RGS7: variants seen among roughly 807,000 people sequenced by gnomAD.
RGS7 encodes the protein regulator of G protein signaling 7, also known as regulator of G-protein signaling 7.
In RGS7, 27 loss-of-function variants were observed where a neutral mutation model predicts 81.1. That is an observed-to-expected ratio of 0.33 (90% CI 0.25 to 0.46). RGS7 has a LOEUF of 0.46. Ranked by LOEUF, RGS7 falls within the 20% of genes least tolerant of loss-of-function variation. The pLI is 1.00. For missense variants in RGS7, 396 were observed against 607.4 expected (o/e 0.65, Z 3.66); for synonymous variants, 208 against 207.7 (o/e 1.00, Z -0.01).
intron 2 of RGS7, among the ~76,000 whole-genome samples, chr1:241,249,695 T>C (rs2076735651): frequency 1.3e-5 from 2 of 152,170 alleles, no homozygotes; most frequent in South Asian, 4.1e-4. Context: ...CTTCTGAACA[T>C]ATGCATTCAT....
At chr1:241,316,525 T>C (rs2080888265) in intron 2 of RGS7, among the ~76,000 whole-genome samples, 1 of 152,198 alleles carries the variant, frequency 6.6e-6, no homozygotes. Context: ...GGAGCTGTAT[T>C]CAGGAGACTG....
intron 2 of RGS7, among the ~76,000 whole-genome samples, chr1:241,261,487 G>C (rs761585564): frequency 3.9e-4 from 59 of 151,960 alleles, no homozygotes; most frequent in Non-Finnish European, 6.9e-4. Flanking sequence ...AAATTAGCCC[G>C]GTGTGGTGGC....
intron 9 of RGS7, among the ~76,000 whole-genome samples, chr1:240,828,006 A>C (rs956007213): frequency 2.6e-5 from 4 of 152,204 alleles, no homozygotes; most frequent in African/African-American, 4.8e-5. Context: ...AAACCCAGCA[A>C]CTAGGAATCC....
intron 2 of RGS7, among the ~76,000 whole-genome samples, chr1:241,335,629 A>G (rs1308375819): frequency 1.3e-5 from 2 of 152,162 alleles, no homozygotes; most frequent in African/African-American, 4.8e-5. Flanking sequence ...GTTAGGTCCT[A>G]TTGGAACACA....
intron 6 of RGS7, among the ~76,000 whole-genome samples, chr1:240,879,494 GA>G (rs1666031000): frequency 6.6e-6 from 1 of 152,046 alleles, no homozygotes; most frequent in Admixed American, 6.6e-5. Context: ...ATTCATTTTT[GA>G]AAGCTGTTTG....
intron 10 of RGS7, among the ~76,000 whole-genome samples, chr1:240,816,773 G>A (rs1264609300): frequency 6.6e-6 from 1 of 152,082 alleles, no homozygotes; most frequent in Non-Finnish European, 1.5e-5. Flanking sequence ...GGTGGATGAA[G>A]AATAGAATAG....
rs1185899798 is a variant in RGS7, at chr1:241,171,337, AG to A, written c.79-72576del. 7.9e-5 allele frequency among the ~76,000 whole-genome samples: 12 copies of A among 152,342 alleles called. No homozygotes were observed. The East Asian group carries it at 2.3e-3, about 29-fold the overall frequency. On this transcript the variant is annotated intron_variant, in intron 2 of 18. Transcript: ENST00000440928. The stretch of plus-strand genomic sequence containing the variant: ...CTCTAAAGTTTTTTCCTAATTTCTC[AG>A]CATAATTCCATAAGGCAGACATTGT...
intron 2 of RGS7, among the ~76,000 whole-genome samples, chr1:241,214,396 C>T (rs2074428848): frequency 6.6e-6 from 1 of 151,986 alleles, no homozygotes; most frequent in East Asian, 1.9e-4. Flanking sequence ...TTAAACAATT[C>T]TTGTCATTTT....
intron 2 of RGS7, among the ~76,000 whole-genome samples, chr1:241,192,327 T>A (rs2072751753): frequency 6.6e-6 from 1 of 151,908 alleles, no homozygotes; most frequent in African/African-American, 2.4e-5. Context: ...TTTTATTTTC[T>A]GTCTGCACCT....
At chr1:241,120,448 A>C (rs1572772661) in intron 2 of RGS7, among the ~76,000 whole-genome samples, 1 of 152,130 alleles carries the variant, frequency 6.6e-6, no homozygotes. Flanking sequence ...CCAGGGTTCA[A>C]GCAATCTTCA....
intron 3 of RGS7, among the ~76,000 whole-genome samples, chr1:241,037,779 C>T (rs559734352): frequency 1.3e-5 from 2 of 150,840 alleles, no homozygotes; most frequent in Admixed American, 6.6e-5. Flanking sequence ...TGGAACACTA[C>T]TCAGCCATAA....
chr1:241,144,962 TGTTC>T lies in RGS7; in HGVS notation c.79-46204_79-46201del, dbSNP rs1191454467. Among the ~76,000 whole-genome samples, 779 of 146,176 alleles carry T rather than the reference TGTTC, an allele frequency of 5.3e-3. 10 individuals carry two copies. Among genetic ancestry groups the T allele is most frequent in the African/African-American group, 0.019 (749 of 38,450 alleles). ...GTGTGTGTGTGTGTGTGTGTGTGTGTGTTCGTGTTCATTCTTCCTGTTCCTGTTT... is the reference window on the plus strand; with the variant it reads ...GTGTGTGTGTGTGTGTGTGTGTGTGTGTGTTCATTCTTCCTGTTCCTGTTT... On this transcript the variant is annotated intron_variant, in intron 2 of 18. Transcript: ENST00000440928. The surrounding 1 kb of genome is among the most constrained non-coding windows in gnomAD (Gnocchi z 4.7).
intron 11 of RGS7, among the ~76,000 whole-genome samples, chr1:240,814,994 T>C (rs1194416967): frequency 6.6e-6 from 1 of 152,210 alleles, no homozygotes; most frequent in Non-Finnish European, 1.5e-5. Flanking sequence ...AGAAGAGCAA[T>C]GAGTTTGACC....
At chr1:240,968,390 T>C (rs1226325986) in intron 4 of RGS7, among the ~76,000 whole-genome samples, 1 of 152,204 alleles carries the variant, frequency 6.6e-6, no homozygotes, top group Non-Finnish European at 1.5e-5. Flanking sequence ...AATCTGAGCA[T>C]GTGCCTCCTG....
At position 241,129,930 on chromosome 1, in the gene RGS7, A is replaced by G. The variant is rs552375018; in HGVS notation, c.79-31168T>C. ...AATATTATTTTAAAATTGCTTTTCAAGAATTCCTATTACTTCAAATTAAAG... is the reference window on the plus strand; with the variant it reads ...AATATTATTTTAAAATTGCTTTTCAGGAATTCCTATTACTTCAAATTAAAG... On this transcript the variant is annotated intron_variant, in intron 2 of 18. Transcript: ENST00000440928. Among the ~76,000 whole-genome samples, 29 of 152,346 alleles carry G rather than the reference A, an allele frequency of 1.9e-4. No individual in the cohort carries two copies. The East Asian group carries it at 4.2e-3, about 22-fold the overall frequency.
At chr1:241,302,941 C>T (rs1375588685) in intron 2 of RGS7, among the ~76,000 whole-genome samples, 1 of 152,088 alleles carries the variant, frequency 6.6e-6, no homozygotes, top group Non-Finnish European at 1.5e-5. Flanking sequence ...TAAATCAGCT[C>T]ATACCTGCTC....
chr1:240,839,284 G>A (rs960145301), intron 9 of RGS7, among the ~76,000 whole-genome samples: 1 of 152,144 alleles, frequency 6.6e-6, no homozygotes, highest in African/African-American at 2.4e-5. Flanking sequence ...CTATACAAAT[G>A]CTCCTTTGCC....
chr1:241,259,650 C>CAAAAAAAAAAAAAAAAAAAAAAAA (rs71571832), intron 2 of RGS7, among the ~76,000 whole-genome samples: 9 of 39,906 alleles, frequency 2.3e-4, no homozygotes, highest in Non-Finnish European at 3.3e-4. Flanking sequence ...AACTCCGTCT[C>CAAAAAAAAAAAAAAAAAAAAAAAA]AAAAAAAAAA....
chr1:240,960,081 GA>G (rs920736180), intron 4 of RGS7, among the ~76,000 whole-genome samples: 20 of 151,342 alleles, frequency 1.3e-4, no homozygotes, highest in Admixed American at 5.3e-4. Flanking sequence ...CCTGGGAGGT[GA>G]AGATTGCAGT....
Sources: allele counts gnomAD v4.1 joint callset (sites outside exome capture counted in the v4.1 genomes callset), GRCh38; gene constraint gnomAD v4.1.1; non-coding constraint Gnocchi (gnomAD v3.1); transcripts MANE v1.5; gene names NCBI Gene and HGNC (gene_info 2026-07-23, HGNC 2026-07-21).